Variants in APLF observed in about 807,000 individuals in gnomAD.
APLF encodes the protein aprataxin and PNKP like factor.
Under a neutral mutation model 55.6 loss-of-function variants are expected in APLF, and 61 were observed. The ratio of observed to expected loss-of-function variants is 1.10; its 90% CI spans 0.89 to 1.36. APLF has a LOEUF of 1.36. Ranked by LOEUF, APLF falls within the 40% of genes most tolerant of loss-of-function variation. The probability of loss-of-function intolerance (pLI) is 0.00; values close to 1 mark genes in which losing one functional copy is unlikely to be tolerated. For synonymous variants in APLF, 207 were observed against 214.8 expected (o/e 0.96, Z 0.32); for missense variants, 611 against 602.5 (o/e 1.01, Z -0.15).
chr2:68,537,830 ATGTTTCATTTATTTCTGATG>A lies in APLF; in HGVS notation c.805-40_805-21del. 2.1e-6 allele frequency: 3 copies of A among 1,399,976 alleles called. No individual in the cohort carries two copies. The African/African-American group carries it at 4.3e-5, about 20-fold the overall frequency. The allele number at this position is 1,399,976 out of a possible 1,614,324, so 86.7% of individuals were successfully genotyped here. A position where few individuals can be genotyped will look rare whatever the true frequency, so the allele number is the denominator to read the frequency against. On this transcript the variant is annotated intron_variant, in intron 6 of 9. Coordinates refer to ENST00000303795, the MANE Select transcript of APLF (RefSeq NM_173545.3). ...CTGTTATGCTCATATCTTTTTAAAA[ATGTTTCATTTATTTCTGATG>A]TTTTTCATATTTGTTTTACAGGAAA...
chr2:68,473,868 A>T lies in APLF; in HGVS notation c.96+6041A>T, dbSNP rs77283645. ...GCAGACATCAACTGGGTGTCCTCTA[A>T]TTCAATTTAATTCTGACACCATCTA... On this transcript the variant is annotated intron_variant, in intron 1 of 9. Coordinates refer to ENST00000303795, the MANE Select transcript of APLF (RefSeq NM_173545.3). Among the ~76,000 whole-genome samples, 1,188 of 152,302 alleles carry T rather than the reference A, an allele frequency of 7.8e-3. 15 individuals are homozygous for T. Among genetic ancestry groups the T allele is most frequent in the African/African-American group, 0.027 (1,133 of 41,540 alleles).
chr2:68,468,783 G>A (rs1302741385), intron 1 of APLF, among the ~76,000 whole-genome samples: 1 of 152,182 alleles, frequency 6.6e-6, no homozygotes. Context: ...AATGGAACAT[G>A]GGTCCCTACC....
chr2:68,568,769 T>C (rs934124735), intron 9 of APLF, among the ~76,000 whole-genome samples: 2 of 152,142 alleles, frequency 1.3e-5, no homozygotes, highest in African/African-American at 4.8e-5. Context: ...TGAAGTATTT[T>C]TTGAATGAAG....
chr2:68,525,741 TC>T (rs1406128288), intron 5 of APLF, among the ~76,000 whole-genome samples: 70 of 133,708 alleles, frequency 5.2e-4, no homozygotes, highest in African/African-American at 1.8e-3. Flanking sequence ...TTTCTTTCTT[TC>T]TTTTTTTTTT....
chr2:68,498,629 T>A (rs1573179214), intron 2 of APLF, among the ~76,000 whole-genome samples: 1 of 152,224 alleles, frequency 6.6e-6, no homozygotes, highest in African/African-American at 2.4e-5. Flanking sequence ...ATATTTCATC[T>A]AAATTTAATC....
In APLF at chr2:68,493,581, G is replaced by C. The variant is rs192651927; in HGVS notation, c.168+3320G>C. On this transcript the variant is annotated intron_variant, in intron 2 of 9. Coordinates refer to ENST00000303795, the MANE Select transcript of APLF (RefSeq NM_173545.3). ...AAAATGATAACTACAACAGGGAGAAGATATTTGAAACACATGTAATTGGAA... is the reference window on the plus strand; with the variant it reads ...AAAATGATAACTACAACAGGGAGAACATATTTGAAACACATGTAATTGGAA... Among the ~76,000 whole-genome samples, 267 of 152,278 alleles carry C rather than the reference G, an allele frequency of 1.8e-3. 2 individuals carry two copies. The highest frequency in any genetic ancestry group is 2.7e-3 in the Non-Finnish European group (184 of 68,024).
chr2:68,523,421 C>T (rs1405532831), intron 5 of APLF, among the ~76,000 whole-genome samples: 2 of 151,808 alleles, frequency 1.3e-5, no homozygotes, highest in Admixed American at 1.3e-4. Flanking sequence ...CACTTTGATC[C>T]AGAAATTGCA....
intron 6 of APLF, chr2:68,535,367 G>A (rs1417441219): frequency 2.6e-6 from 1 of 389,604 alleles, no homozygotes; most frequent in Non-Finnish European, 5.1e-6. Flanking sequence ...CGACCTCATT[G>A]CGTTACTAAT....
intron 1 of APLF, among the ~76,000 whole-genome samples, chr2:68,488,884 A>G (rs1392667045): frequency 6.6e-6 from 1 of 152,170 alleles, no homozygotes; most frequent in Non-Finnish European, 1.5e-5. Context: ...ATGACGAGTT[A>G]TTGGGTACAG....
intron 5 of APLF, among the ~76,000 whole-genome samples, chr2:68,517,614 A>C (rs961140212): frequency 7.1e-6 from 1 of 141,172 alleles, no homozygotes; most frequent in South Asian, 2.3e-4. Context: ...GTATATCACT[A>C]ATGTTATTAA....
chr2:68,544,671 G>A (rs996143810), intron 7 of APLF, among the ~76,000 whole-genome samples: 3 of 151,882 alleles, frequency 2.0e-5, no homozygotes, highest in Non-Finnish European at 4.4e-5. Context: ...TTTAGTGTAA[G>A]AGTCTTGAGA....
At chr2:68,546,098 T>C (rs569953557) in intron 8 of APLF, among the ~76,000 whole-genome samples, 2 of 152,254 alleles carry the variant, frequency 1.3e-5, no homozygotes, top group East Asian at 3.9e-4. Flanking sequence ...AGTAAGTTTC[T>C]AGGACCAGAA....
intron 5 of APLF, among the ~76,000 whole-genome samples, chr2:68,518,333 A>C (rs1416654924): frequency 7.0e-5 from 8 of 113,588 alleles, no homozygotes; most frequent in East Asian, 2.5e-4. Flanking sequence ...ATAATATATT[A>C]ATAAATAATT....
intron 1 of APLF, among the ~76,000 whole-genome samples, chr2:68,472,801 A>T (rs1341948767): frequency 6.6e-6 from 1 of 152,210 alleles, no homozygotes; most frequent in Admixed American, 6.5e-5. Context: ...CATTATGTCA[A>T]TGATCCCGTT....
chr2:68,572,994 A>C (rs1002290043), intron 9 of APLF, among the ~76,000 whole-genome samples: 1 of 152,350 alleles, frequency 6.6e-6, no homozygotes, highest in Admixed American at 6.5e-5. Flanking sequence ...TTTAAATTGT[A>C]AAAGAAATAT....
At chr2:68,576,268 C>T (rs1388903671) in intron 9 of APLF, among the ~76,000 whole-genome samples, 2 of 152,056 alleles carry the variant, frequency 1.3e-5, no homozygotes, top group Admixed American at 1.3e-4. Context: ...CTTCTCATTC[C>T]CTTTCCCGAC....
chr2:68,508,204 G>T (rs7569174), intron 3 of APLF, among the ~76,000 whole-genome samples: 34,218 of 151,690 alleles, frequency 0.23, 5,960 homozygotes, highest in African/African-American at 0.5. Context: ...TCACACTTCT[G>T]GATTTCAAAA....
intron 1 of APLF, among the ~76,000 whole-genome samples, chr2:68,478,422 A>C (rs1157786238): frequency 2.6e-5 from 4 of 152,242 alleles, no homozygotes; most frequent in Admixed American, 1.3e-4. Flanking sequence ...GAGGCTTGCT[A>C]TAAGAAAAAC....
Position 68,526,133 on chromosome 2 carries a change from G to C in APLF, c.695G>C (p.Gly232Ala). ...TCCCAGCTAAACACAACCCAGCAAGGAAGAAGGCAATTAATTTCATCAGGA... is the reference window on the plus strand; with the variant it reads ...TCCCAGCTAAACACAACCCAGCAAGCAAGAAGGCAATTAATTTCATCAGGA... ...DKSQLNTTQQGRRQLISSGSS... is the reference protein window; with the variant it reads ...DKSQLNTTQQARRQLISSGSS... Residue 232 changes from glycine (G) to alanine (A), a missense_variant, in exon 6 of 10, where the codon GGA (glycine) becomes GCA (alanine). Gly to Ala is a moderately conservative substitution (Grantham distance 60). Transcript: ENST00000303795. The C allele has an allele frequency of 6.2e-7, 1 of 1,613,878 alleles. No homozygotes were observed. Among genetic ancestry groups the C allele is most frequent in the South Asian group, 1.1e-5 (1 of 91,074 alleles).
Sources: allele counts gnomAD v4.1 joint callset (sites outside exome capture counted in the v4.1 genomes callset), GRCh38; gene constraint gnomAD v4.1.1; transcripts MANE v1.5; gene names NCBI Gene and HGNC (gene_info 2026-07-23, HGNC 2026-07-21).